Variants in BICRA observed in about 807,000 individuals in gnomAD.
BICRA encodes the protein BRD4 interacting chromatin remodeling complex associated protein, also known as BRD4-interacting chromatin-remodeling complex-associated protein.
Under a neutral mutation model 96.9 loss-of-function variants are expected in BICRA, and 31 were observed. The observed-to-expected ratio is 0.32, with a 90% CI of 0.24 to 0.43. The LOEUF is 0.43. BICRA is among the 20% of genes least tolerant of loss of function. The probability of loss-of-function intolerance (pLI) is 1.00; values close to 1 mark genes in which losing one functional copy is unlikely to be tolerated. For missense variants in BICRA, 2,283 were observed against 2,190.3 expected (o/e 1.04, Z -0.84); for synonymous variants, 1,350 against 1,071.8 (o/e 1.26, Z -5.07).
intron 1 of BICRA, among the ~76,000 whole-genome samples, chr19:47,619,229 A>G (rs1335882489): frequency 2.1e-5 from 1 of 47,122 alleles, no homozygotes; most frequent in South Asian, 6.5e-4. Context: ...TTTTTTCCCA[A>G]CCCCTTTTTT....
chr19:47,669,666 T>C (rs1175993649), intron 1 of BICRA, among the ~76,000 whole-genome samples: 1 of 152,190 alleles, frequency 6.6e-6, no homozygotes, highest in Non-Finnish European at 1.5e-5. Context: ...ATTTTTATTT[T>C]ATTTTTTTGA....
chr19:47,642,540 A>G (rs1245604602), intron 1 of BICRA, among the ~76,000 whole-genome samples: 1 of 151,928 alleles, frequency 6.6e-6, no homozygotes, highest in Non-Finnish European at 1.5e-5. Flanking sequence ...TCTCTACCAA[A>G]AATACAAAAA....
In BICRA at chr19:47,680,522, T is replaced by A; in HGVS notation, c.1352T>A (p.Leu451His). The A allele has an allele frequency of 6.5e-7, 1 of 1,547,184 alleles. No individual in the cohort carries two copies. Among genetic ancestry groups the A allele is most frequent in the Non-Finnish European group, 8.7e-7 (1 of 1,146,718 alleles). ...GALSKPMSVH[L>H]LNQGSSIVIP... ...CTGAGCAAACCCATGAGCGTCCACC[T>A]CCTGAACCAAGGCAGCAGCATCGTC... The change falls in exon 6 of 15, where the codon CTC (leucine) becomes CAC (histidine). Residue 451 changes from leucine to histidine, a missense_variant. By Grantham distance (99) the Leu-to-His change is moderately conservative (BLOSUM62 -3). Transcript: ENST00000594866.
rs938279867 is a variant in BICRA at position 47,701,637 on chromosome 19, C to T, written c.3905C>T (p.Ala1302Val). 6.3e-7 allele frequency: 1 copy of T among 1,587,808 alleles called. No homozygotes were observed. The highest frequency in any genetic ancestry group is 8.6e-7 in the Non-Finnish European group (1 of 1,168,514). Residue 1302 changes from alanine to valine, a missense_variant, in exon 15 of 15, where the codon GCC (alanine) becomes GTC (valine). Coordinates refer to ENST00000594866, the MANE Select transcript of BICRA (RefSeq NM_001394372.1). This position sits in a 1 kb window ranked among gnomAD's most constrained non-coding sequence, Gnocchi z 5.4. ...CGCCCGCCCATCAAGACCTACGAGG[C>T]CCGGAGCCGCATCGGGCTCAAGCTC... is the stretch of plus-strand genomic sequence containing the variant. ...RNRPPIKTYE[A>V]RSRIGLKLKI...
chr19:47,660,254 G>A (rs1192865311), intron 1 of BICRA, among the ~76,000 whole-genome samples: 5 of 152,044 alleles, frequency 3.3e-5, no homozygotes, highest in South Asian at 2.1e-4. Context: ...TCGTAGCCAC[G>A]TGACATTAAG....
Position 47,699,469 on chromosome 19 carries a change from GT to G in BICRA, c.3595+66del. On this transcript the variant is annotated intron_variant, in intron 14 of 14. Transcript: ENST00000594866. The surrounding 1 kb of genome is among the most constrained non-coding windows in gnomAD (Gnocchi z 5.0). ...GCCCCCACCCCACCTGGGCAGAAGA[GT>G]TAGATTCAGGGCGGGGAGTGGGTGT... 1.1e-6 allele frequency: 1 copy of G among 943,302 alleles called. No individual in the cohort carries two copies. The highest frequency in any genetic ancestry group is 1.7e-6 in the Non-Finnish European group (1 of 594,880). The allele number at this position is 943,302 out of a possible 1,614,324, so 58.4% of individuals were successfully genotyped here. A position where few individuals can be genotyped will look rare whatever the true frequency, so the allele number is the denominator to read the frequency against.
intron 1 of BICRA, among the ~76,000 whole-genome samples, chr19:47,613,713 C>G (rs1459368061): frequency 2.0e-5 from 3 of 151,986 alleles, no homozygotes; most frequent in African/African-American, 7.3e-5. Flanking sequence ...GCATGGGGAG[C>G]GTTTGGTTGA....
At chr19:47,653,632 T>A (rs998637819) in intron 1 of BICRA, among the ~76,000 whole-genome samples, 10 of 152,218 alleles carry the variant, frequency 6.6e-5, no homozygotes, top group African/African-American at 2.4e-4. Context: ...TGTGCCTGGC[T>A]CCCTTCACTT....
intron 1 of BICRA, among the ~76,000 whole-genome samples, chr19:47,650,148 T>G (rs1972520413): frequency 6.6e-6 from 1 of 152,006 alleles, no homozygotes; most frequent in Non-Finnish European, 1.5e-5. Flanking sequence ...TGTTTGTTTT[T>G]TGAGGTGGAG....
chr19:47,630,060 T>C (rs961952704), intron 1 of BICRA, among the ~76,000 whole-genome samples: 2 of 151,922 alleles, frequency 1.3e-5, no homozygotes, highest in Non-Finnish European at 2.9e-5. Context: ...TTTTCATCAT[T>C]CCAAATAGAA....
intron 1 of BICRA, among the ~76,000 whole-genome samples, chr19:47,670,013 A>G (rs2123572091): frequency 6.6e-6 from 1 of 150,838 alleles, no homozygotes; most frequent in East Asian, 1.9e-4. Context: ...GTGTAATGCC[A>G]CTATCCTAGC....
chr19:47,680,141 C>A lies in BICRA; in HGVS notation c.971C>A (p.Pro324Gln). 6.6e-7 allele frequency: 1 copy of A among 1,525,392 alleles called. No individual in the cohort carries two copies. Among genetic ancestry groups the A allele is most frequent in the Non-Finnish European group, 8.7e-7 (1 of 1,146,170 alleles). 94.5% of individuals were successfully genotyped at this position (1,525,392 alleles called of 1,614,324 possible). ...SAPTGTPSGQ[P>Q]LAVAPGLGSS... Reference sequence around the variant, plus strand: ...CCCACCGGGACGCCCTCGGGACAGCCGCTGGCGGTGGCCCCAGGCCTCGGC... The same window carrying A: ...CCCACCGGGACGCCCTCGGGACAGCAGCTGGCGGTGGCCCCAGGCCTCGGC... The change falls in exon 6 of 15, where the codon CCG becomes CAG. Residue 324 changes from proline to glutamine, a missense_variant. Pro to Gln is a moderately conservative substitution (Grantham distance 76). Transcript: ENST00000594866.
intron 1 of BICRA, among the ~76,000 whole-genome samples, chr19:47,619,893 C>A (rs1972040007): frequency 6.6e-6 from 1 of 152,112 alleles, no homozygotes; most frequent in African/African-American, 2.4e-5. Context: ...TGAGTCCTAA[C>A]CCCTATCAAG....
In BICRA at chr19:47,694,138, G is replaced by A. The variant is rs1486033369; in HGVS notation, c.2307G>A (p.Lys769=). The A allele has an allele frequency of 5.2e-6, 7 of 1,333,992 alleles. No homozygotes were observed. The highest frequency in any genetic ancestry group is 5.0e-5 in the Admixed American group (2 of 40,394). 82.6% of individuals were successfully genotyped at this position (1,333,992 alleles called of 1,614,324 possible). The part of the protein sequence containing the change: ...APQIPAAAPL[K]GPGPSSSPSL... ...AGATCCCGGCAGCGGCTCCGCTGAA[G>A]GGCCCAGGCCCCTCTTCGTCCCCGT... is the stretch of plus-strand genomic sequence containing the variant. The change falls in exon 8 of 15, where the codon AAG becomes AAA. Residue 769 remains lysine, a synonymous_variant. Transcript: ENST00000594866.
At chr19:47,630,572 G>A (rs1393627905) in intron 1 of BICRA, among the ~76,000 whole-genome samples, 1 of 152,154 alleles carries the variant, frequency 6.6e-6, no homozygotes, top group East Asian at 1.9e-4. Context: ...CATCCCTGTT[G>A]TAGCATGTAT....
chr19:47,673,551 C>G lies in BICRA; in HGVS notation c.-5-19C>G. The G allele has an allele frequency of 6.2e-7, 1 of 1,609,268 alleles. No homozygotes were observed. Among genetic ancestry groups the G allele is most frequent in the Non-Finnish European group, 8.5e-7 (1 of 1,175,706 alleles). ...TAACCTTGTCTCCCTCGCCCTCTTC[C>G]TGACCCCACCCCATCCAGTGGCGAT... On this transcript the variant is annotated intron_variant, in intron 2 of 14. Transcript: ENST00000594866.
chr19:47,656,110 A>T (rs73045747), intron 1 of BICRA, among the ~76,000 whole-genome samples: 1,851 of 123,352 alleles, frequency 0.015, 45 homozygotes, highest in South Asian at 0.016. Flanking sequence ...ACACACACAC[A>T]CTCTGAATAA....
chr19:47,692,958 C>T lies in BICRA; in HGVS notation c.2284-1157C>T, dbSNP rs1973263201. 3.3e-5 allele frequency among the ~76,000 whole-genome samples: 5 copies of T among 152,344 alleles called. No individual in the cohort carries two copies. The South Asian group carries it at 1.0e-3, about 32-fold the overall frequency. On this transcript the variant is annotated intron_variant, in intron 7 of 14. Transcript: ENST00000594866. Reference sequence around the variant, plus strand: ...AGCAGTGTAAAGGCCTCAGTTCCGCCTTCACCAGCCTGGAGAGTCTGGACC... The same window carrying T: ...AGCAGTGTAAAGGCCTCAGTTCCGCTTTCACCAGCCTGGAGAGTCTGGACC...
At chr19:47,678,042 G>A (rs2123582617) in intron 5 of BICRA, among the ~76,000 whole-genome samples, 1 of 152,274 alleles carries the variant, frequency 6.6e-6, no homozygotes, top group East Asian at 1.9e-4. Flanking sequence ...AGAGCTTTTT[G>A]GGTTTTGTAA....
Sources: allele counts gnomAD v4.1 joint callset (sites outside exome capture counted in the v4.1 genomes callset), GRCh38; gene constraint gnomAD v4.1.1; non-coding constraint Gnocchi (gnomAD v3.1); transcripts MANE v1.5; gene names NCBI Gene and HGNC (gene_info 2026-07-23, HGNC 2026-07-21).